Variants in SMIM36 observed in about 807,000 individuals in gnomAD.
SMIM36 encodes the protein small integral membrane protein 36.
chr17:55,502,004 C>A (rs1474499420), intron 1 of SMIM36, among the ~76,000 whole-genome samples: 2 of 151,532 alleles, frequency 1.3e-5, no homozygotes, highest in Non-Finnish European at 2.9e-5. Context: ...CCGAATATTG[C>A]GCTTTTCAGA....
chr17:55,457,519 T>A (rs891981979), intron 4 of SMIM36, among the ~76,000 whole-genome samples: 8 of 151,874 alleles, frequency 5.3e-5, no homozygotes, highest in African/African-American at 1.4e-4. Flanking sequence ...TAAAAAAATT[T>A]TTTTTATTTT....
At chr17:55,515,829 T>A (rs115415120), upstream of SMIM36, among the ~76,000 whole-genome samples, 973 of 152,360 alleles carry the variant, frequency 6.4e-3, 13 homozygotes, top group African/African-American at 0.022. Flanking sequence ...TTTTGTGGCA[T>A]TTTGGTATAG....
chr17:55,481,895 C>A (rs756316097), intron 1 of SMIM36, among the ~76,000 whole-genome samples: 20 of 152,130 alleles, frequency 1.3e-4, no homozygotes, highest in Non-Finnish European at 2.5e-4. Flanking sequence ...TGAGGTTCCA[C>A]TATGTTGCCC....
At chr17:55,515,848 G>A (rs1429861459), upstream of SMIM36, among the ~76,000 whole-genome samples, 1 of 152,194 alleles carries the variant, frequency 6.6e-6, no homozygotes, top group Admixed American at 6.5e-5. Context: ...AGCAGTCCTA[G>A]GAAACTAACA....
At chr17:55,498,379 T>A (rs533729729) in intron 1 of SMIM36, among the ~76,000 whole-genome samples, 1 of 152,274 alleles carries the variant, frequency 6.6e-6, no homozygotes, top group African/African-American at 2.4e-5. Flanking sequence ...GTGACAGCTG[T>A]CTAACCTTTC....
intron 1 of SMIM36, among the ~76,000 whole-genome samples, chr17:55,496,706 A>G (rs1160641140): frequency 1.3e-5 from 2 of 152,122 alleles, no homozygotes; most frequent in Non-Finnish European, 2.9e-5. Flanking sequence ...AGATTATGTT[A>G]TTTTGCATTC....
intron 1 of SMIM36, among the ~76,000 whole-genome samples, chr17:55,500,228 G>A (rs921584826): frequency 2.6e-5 from 4 of 151,960 alleles, no homozygotes; most frequent in African/African-American, 7.3e-5. Flanking sequence ...TGGCTCAAGC[G>A]ATCTTTCTGC....
intron 1 of SMIM36, among the ~76,000 whole-genome samples, chr17:55,492,549 C>T (rs1024781435): frequency 1.8e-4 from 27 of 151,578 alleles, no homozygotes; most frequent in Admixed American, 8.5e-4. Flanking sequence ...TGAGCCACTG[C>T]GCCCGGCTTC....
exon 5 of SMIM36, chr17:55,450,177 G>C (rs1220088236): frequency 6.6e-6 from 1 of 152,150 alleles, no homozygotes; most frequent in African/African-American, 2.4e-5. Context: ...TCAGTGATGT[G>C]ATCACAAGCC....
At chr17:55,464,296 T>C (rs1345718995) in intron 4 of SMIM36, among the ~76,000 whole-genome samples, 2 of 152,290 alleles carry the variant, frequency 1.3e-5, no homozygotes, top group African/African-American at 4.8e-5. Flanking sequence ...TGCCATGTGA[T>C]GGACAGTTAA....
At chr17:55,514,044 T>A (rs372086166), upstream of SMIM36, among the ~76,000 whole-genome samples, 1 of 152,224 alleles carries the variant, frequency 6.6e-6, no homozygotes, top group Non-Finnish European at 1.5e-5. Flanking sequence ...AAGTCCAGTC[T>A]CATGAAGGCT....
At chr17:55,482,110 T>C (rs142713282) in intron 1 of SMIM36, among the ~76,000 whole-genome samples, 1,924 of 152,316 alleles carry the variant, frequency 0.013, 35 homozygotes, top group African/African-American at 0.044. Context: ...TTGAAGTTGG[T>C]GAGCTAGACA....
the SMIM36 span, among the ~76,000 whole-genome samples, chr17:55,532,029 A>G: frequency 1.3e-5 from 2 of 152,218 alleles, no homozygotes; most frequent in Admixed American, 1.3e-4. Context: ...TTAAAATTGA[A>G]ATAAGATATT....
At chr17:55,516,715 C>G in the SMIM36 span, among the ~76,000 whole-genome samples, 15 of 151,932 alleles carry the variant, frequency 9.9e-5, no homozygotes, top group Non-Finnish European at 1.9e-4. Flanking sequence ...CCTGCCACCA[C>G]GCCCGGCTAA....
the SMIM36 span, among the ~76,000 whole-genome samples, chr17:55,530,384 G>A: frequency 2.0e-5 from 3 of 152,214 alleles, no homozygotes; most frequent in African/African-American, 7.2e-5. Flanking sequence ...GTCCTCCTTT[G>A]GCAATTGAAA....
At chr17:55,479,048 T>C (rs1238564045) in intron 2 of SMIM36, among the ~76,000 whole-genome samples, 1 of 152,172 alleles carries the variant, frequency 6.6e-6, no homozygotes, top group Non-Finnish European at 1.5e-5. Flanking sequence ...GCATTCTCAA[T>C]AGGATAGCGT....
At chr17:55,505,735 G>T (rs1481881076) in intron 1 of SMIM36, among the ~76,000 whole-genome samples, 4 of 97,286 alleles carry the variant, frequency 4.1e-5, no homozygotes, top group Admixed American at 4.0e-4. Flanking sequence ...GGGCAATTAG[G>T]CAGGAGAAGG....
the SMIM36 span, among the ~76,000 whole-genome samples, chr17:55,519,798 G>A: frequency 2.0e-5 from 3 of 152,192 alleles, no homozygotes; most frequent in Non-Finnish European, 4.4e-5. Context: ...TGGACACCAC[G>A]CCAGCTCAGG....
chr17:55,476,811 C>T (rs1909434464), intron 3 of SMIM36, among the ~76,000 whole-genome samples: 1 of 152,150 alleles, frequency 6.6e-6, no homozygotes, highest in Non-Finnish European at 1.5e-5. Flanking sequence ...AAGTGATCCA[C>T]CCATCTCCGC....
Sources: allele counts gnomAD v4.1 joint callset (sites outside exome capture counted in the v4.1 genomes callset), GRCh38; gene constraint gnomAD v4.1.1; transcripts MANE v1.5; gene names NCBI Gene and HGNC (gene_info 2026-07-23, HGNC 2026-07-21).